PCDHGA4: variants seen among roughly 807,000 people sequenced by gnomAD.
PCDHGA4 encodes the protein protocadherin gamma-A4.
PCDHGA4 carries 38 observed loss-of-function variants against 54.6 expected under a neutral mutation model. The observed-to-expected ratio is 0.70, with a 90% CI of 0.54 to 0.91. The LOEUF (loss-of-function observed/expected upper bound fraction) is 0.91, where lower values mean the gene tolerates loss of function less well. PCDHGA4 is among the 40% of genes least tolerant of loss of function. PCDHGA4 has a pLI of 0.00. For synonymous variants in PCDHGA4, 511 were observed against 512.9 expected (o/e 1.00, Z 0.05); for missense variants, 1,298 against 1,220.9 (o/e 1.06, Z -0.94).
chr5:141,394,444 G>A (rs2093001580), intron 1 of PCDHGA4: 1 of 1,614,228 alleles, frequency 6.2e-7, no homozygotes, highest in Non-Finnish European at 8.5e-7. Context: ...CCCCTCAGCA[G>A]CAACATGTCA....
At chr5:141,445,838 A>T (rs1302150397) in intron 1 of PCDHGA4, among the ~76,000 whole-genome samples, 1 of 152,218 alleles carries the variant, frequency 6.6e-6, no homozygotes, top group South Asian at 2.1e-4. Flanking sequence ...GAGCCTTGTA[A>T]ATCACACTTA....
At chr5:141,379,459 C>G (rs1775609883) in intron 1 of PCDHGA4, 1 of 152,182 alleles carries the variant, frequency 6.6e-6, no homozygotes, top group East Asian at 1.9e-4. Flanking sequence ...TTCATAAACT[C>G]TGAAAGTGTG....
chr5:141,425,490 G>T (rs2096878933), intron 1 of PCDHGA4, among the ~76,000 whole-genome samples: 1 of 152,122 alleles, frequency 6.6e-6, no homozygotes, highest in Non-Finnish European at 1.5e-5. Context: ...AACCTACTAG[G>T]CTATACCTTT....
chr5:141,381,826 C>CTTTTTTTTTTT (rs770630741), intron 1 of PCDHGA4, among the ~76,000 whole-genome samples: 13 of 74,276 alleles, frequency 1.8e-4, no homozygotes, highest in South Asian at 5.1e-4. Flanking sequence ...CTTTCTTCTT[C>CTTTTTTTTTTT]TTTTTTTTTT....
intron 1 of PCDHGA4, chr5:141,362,177 C>T (rs757621451): frequency 1.9e-6 from 3 of 1,613,916 alleles, no homozygotes; most frequent in Non-Finnish European, 2.5e-6. Flanking sequence ...CGCCGGGAGC[C>T]CTCTGACCCC....
chr5:141,404,103 G>C lies in PCDHGA4; in HGVS notation c.2514+46482G>C, dbSNP rs773489391. 14 of 1,613,372 alleles carry C rather than the reference G, an allele frequency of 8.7e-6. No homozygotes were observed. In the East Asian group the frequency reaches 2.9e-4, roughly 33 times the overall value. On this transcript the variant is annotated intron_variant, in intron 1 of 3. Transcript: ENST00000571252. ...TCCGGGAAGAATGGTCAAGTTGTCT[G>C]TTCTATCCAGGAGAATCTATCTTTT...
intron 1 of PCDHGA4, chr5:141,382,742 A>G: frequency 1.7e-6 from 1 of 585,144 alleles, no homozygotes; most frequent in Non-Finnish European, 2.9e-6. Flanking sequence ...GAGAAACGAC[A>G]GATTGCGATA....
chr5:141,356,038 T>C lies in PCDHGA4; in HGVS notation c.931T>C (p.Ser311Pro). Residue 311 changes from serine to proline, a missense_variant, in exon 1 of 4, where the codon TCT (serine) becomes CCT (proline). By Grantham distance (74) the Ser-to-Pro change is moderately conservative. Transcript: ENST00000571252. Reference protein sequence around the residue: ...DEGANGDVTYSFRKVRDKISQ... With the variant: ...DEGANGDVTYPFRKVRDKISQ... ...AGGAGCCAATGGAGACGTGACGTAT[T>C]CTTTCCGGAAAGTAAGAGACAAAAT... The C allele has an allele frequency of 6.2e-7, 1 of 1,613,970 alleles. No individual in the cohort carries two copies. The highest frequency in any genetic ancestry group is 8.5e-7 in the Non-Finnish European group (1 of 1,179,886).
chr5:141,423,300 G>T, intron 1 of PCDHGA4: 2 of 1,614,146 alleles, frequency 1.2e-6, no homozygotes, highest in African/African-American at 1.3e-5. Context: ...CAGACCTCTC[G>T]CTGTACTTGG....
rs1281778338 is a variant in PCDHGA4, at chr5:141,512,281, G to A, written c.*1108G>A. ...TGGGTACTCCAGAGGTGCCACTGGTGGAAGGGTCAGCGGAGCCCCAGCAGG... is the reference window on the plus strand; with the variant it reads ...TGGGTACTCCAGAGGTGCCACTGGTAGAAGGGTCAGCGGAGCCCCAGCAGG... On this transcript the variant is annotated 3_prime_UTR_variant, in exon 4 of 4. Transcript: ENST00000571252. 6.5e-6 allele frequency: 1 copy of A among 152,810 alleles called. No homozygotes were observed. Among genetic ancestry groups the A allele is most frequent in the Non-Finnish European group, 1.5e-5 (1 of 68,178 alleles). The allele number at this position is 152,810 out of a possible 1,614,324, so 9.5% of individuals were successfully genotyped here.
At chr5:141,427,115 C>G (rs1276437779) in intron 1 of PCDHGA4, 5 of 457,520 alleles carry the variant, frequency 1.1e-5, no homozygotes, top group African/African-American at 1.0e-4. Flanking sequence ...AGATCACCTA[C>G]TCTTTCAAAT....
chr5:141,420,415 T>A, intron 1 of PCDHGA4: 1 of 1,217,296 alleles, frequency 8.2e-7, no homozygotes, highest in Non-Finnish European at 1.1e-6. Context: ...TTATCATTAT[T>A]AAAACAAAAG....
intron 1 of PCDHGA4, chr5:141,383,465 C>T: frequency 6.2e-7 from 1 of 1,613,792 alleles, no homozygotes; most frequent in Non-Finnish European, 8.5e-7. Flanking sequence ...GACGATGAAA[C>T]TAAGTACCCG....
At chr5:141,382,108 G>T (rs1323592761) in intron 1 of PCDHGA4, among the ~76,000 whole-genome samples, 2 of 152,024 alleles carry the variant, frequency 1.3e-5, no homozygotes, top group African/African-American at 4.8e-5. Flanking sequence ...GATTACAGGC[G>T]TGAGCAACAG....
At chr5:141,418,803 A>G (rs1358411126) in intron 1 of PCDHGA4, 1 of 1,613,894 alleles carries the variant, frequency 6.2e-7, no homozygotes, top group Non-Finnish European at 8.5e-7. Context: ...GTAGAAAGAT[A>G]TACGATAAAC....
chr5:141,420,975 G>A, intron 1 of PCDHGA4: 2 of 458,946 alleles, frequency 4.4e-6, no homozygotes, highest in South Asian at 4.2e-5. Context: ...TAATAAGAAT[G>A]GGCTCTAGGC....
intron 1 of PCDHGA4, chr5:141,420,396 A>C: frequency 8.0e-7 from 1 of 1,250,930 alleles, no homozygotes; most frequent in Non-Finnish European, 1.1e-6. Context: ...ATATAGGTCA[A>C]ATTTATGGTT....
Position 141,486,970 on chromosome 5 carries a change from T to G in PCDHGA4, c.2515-7837T>G, listed in dbSNP as rs754309905. 1 of 1,614,050 alleles carries G rather than the reference T, an allele frequency of 6.2e-7. No individual in the cohort carries two copies. Among genetic ancestry groups the G allele is most frequent in the African/African-American group, 1.3e-5 (1 of 74,904 alleles). ...CAAAGGTGACTGCTGTGGACTTGGATTCAGGTTACAATGCTTGGGTTTCCT... is the reference window on the plus strand; with the variant it reads ...CAAAGGTGACTGCTGTGGACTTGGAGTCAGGTTACAATGCTTGGGTTTCCT... On this transcript the variant is annotated intron_variant, in intron 1 of 3. Coordinates refer to ENST00000571252, the MANE Select transcript of PCDHGA4 (RefSeq NM_018917.4). This position sits in a 1 kb window ranked among gnomAD's most constrained non-coding sequence, Gnocchi z 5.0.
At position 141,355,385 on chromosome 5, in the gene PCDHGA4, G is replaced by A. The variant is rs746094461; in HGVS notation, c.278G>A (p.Arg93His). ...LGLAPRELAE[R>H]GVRIVSRGRT... ...TTGGCGCCCCGGGAGCTGGCGGAGC[G>A]CGGAGTCCGCATCGTCTCCAGAGGT... Residue 93 changes from arginine to histidine, a missense_variant, in exon 1 of 4, where the codon CGC becomes CAC. Coordinates refer to ENST00000571252, the MANE Select transcript of PCDHGA4 (RefSeq NM_018917.4). The A allele has an allele frequency of 1.2e-6, 2 of 1,614,056 alleles. No homozygotes were observed. The highest frequency in any genetic ancestry group is 1.7e-6 in the Non-Finnish European group (2 of 1,179,914).
Sources: allele counts gnomAD v4.1 joint callset (sites outside exome capture counted in the v4.1 genomes callset), GRCh38; gene constraint gnomAD v4.1.1; non-coding constraint Gnocchi (gnomAD v3.1); transcripts MANE v1.5; gene names NCBI Gene and HGNC (gene_info 2026-07-23, HGNC 2026-07-21).